The following GPCPD1 variants were observed in gnomAD, a reference collection of about 807,000 sequenced individuals.
GPCPD1 encodes glycerophosphocholine phosphodiesterase 1, also known as glycerophosphocholine phosphodiesterase GPCPD1.
In GPCPD1, 29 loss-of-function variants were observed where a neutral mutation model predicts 89.2. The observed-to-expected ratio is 0.33, with a 90% CI of 0.24 to 0.44. The LOEUF (loss-of-function observed/expected upper bound fraction) is 0.44, where lower values mean the gene tolerates loss of function less well. Ranked by LOEUF, GPCPD1 falls within the 20% of genes least tolerant of loss-of-function variation. The pLI, the probability that GPCPD1 is intolerant of heterozygous loss-of-function variation, is 1.00. For synonymous variants in GPCPD1, 258 were observed against 266.3 expected (o/e 0.97, Z 0.30); for missense variants, 594 against 808.9 (o/e 0.73, Z 3.22).
intron 6 of GPCPD1, among the ~76,000 whole-genome samples, chr20:5,581,493 T>A (rs1978480186): frequency 6.6e-6 from 1 of 152,184 alleles, no homozygotes; most frequent in Admixed American, 6.5e-5. Context: ...GATATTCAGC[T>A]GCAACTAGTT....
intron 19 of GPCPD1, chr20:5,548,753 G>T (rs905951970): frequency 1.1e-5 from 3 of 272,338 alleles, no homozygotes; most frequent in African/African-American, 4.4e-5. Flanking sequence ...GTTTGTCAGT[G>T]AGAGAACTGA....
At chr20:5,586,647 T>C (rs1978944588) in intron 4 of GPCPD1, among the ~76,000 whole-genome samples, 1 of 152,222 alleles carries the variant, frequency 6.6e-6, no homozygotes, top group African/African-American at 2.4e-5. Context: ...GAGGTATTGC[T>C]AGATAAAGTA....
intron 3 of GPCPD1, among the ~76,000 whole-genome samples, chr20:5,595,805 A>G (rs994878555): frequency 6.3e-5 from 8 of 126,040 alleles, no homozygotes; most frequent in Admixed American, 1.5e-4. Flanking sequence ...AAAAGAAAAA[A>G]AGGGGGGGGG....
intron 1 of GPCPD1, among the ~76,000 whole-genome samples, chr20:5,608,813 C>T (rs1276723277): frequency 1.3e-5 from 2 of 152,158 alleles, no homozygotes; most frequent in African/African-American, 4.8e-5. Flanking sequence ...GAAAACGTAA[C>T]ATCTATTCTG....
chr20:5,580,211 A>T, intron 6 of GPCPD1, 80 bp from the exon 7 acceptor site: 1 of 693,204 alleles, frequency 1.4e-6, no homozygotes, highest in Non-Finnish European at 2.5e-6. Context: ...AGGCATTGAT[A>T]ATTCTAGTTC....
intron 11 of GPCPD1, among the ~76,000 whole-genome samples, chr20:5,572,618 CTG>C (rs1986785169): frequency 6.6e-6 from 1 of 152,130 alleles, no homozygotes; most frequent in African/African-American, 2.4e-5. Flanking sequence ...ATGGAGTACA[CTG>C]TGGAAAAAGT....
chr20:5,567,436 A>G (rs1986449228), intron 13 of GPCPD1, 47 bp downstream of exon 13: 1 of 1,534,402 alleles, frequency 6.5e-7, no homozygotes, highest in African/African-American at 1.4e-5. Flanking sequence ...CAAGTACAAT[A>G]GTCCTAAAGC....
At chr20:5,548,641 A>G (rs1207900469) in intron 19 of GPCPD1, among the ~76,000 whole-genome samples, 5 of 152,238 alleles carry the variant, frequency 3.3e-5, no homozygotes. Flanking sequence ...AAAATAAAAC[A>G]AAGATTCTTT....
In GPCPD1 at chr20:5,581,814, C is replaced by CTTTTTTTTTTTTTTTTTTT. The variant is rs11479995; in HGVS notation, c.350-1702_350-1684dup. Among the ~76,000 whole-genome samples, 4 of 75,030 alleles carry CTTTTTTTTTTTTTTTTTTT rather than the reference C, an allele frequency of 5.3e-5. 1 individual carries two copies. The highest frequency in any genetic ancestry group is 5.0e-4 in the East Asian group (1 of 1,992). 49.2% of individuals were successfully genotyped at this position (75,030 alleles called of 152,430 possible). ...ATGCTTAATAATTGTGGGACTTTAA[C>CTTTTTTTTTTTTTTTTTTT]TTTTTTTTTTTTTTTTTTTTTTTTT... On this transcript the variant is annotated intron_variant, in intron 6 of 19. Transcript: ENST00000379019.
At chr20:5,551,086 G>A (rs1985379612) in intron 19 of GPCPD1, among the ~76,000 whole-genome samples, 1 of 152,172 alleles carries the variant, frequency 6.6e-6, no homozygotes, top group Non-Finnish European at 1.5e-5. Flanking sequence ...TTACCTGCAG[G>A]ATTATAATGC....
At chr20:5,554,725 G>C (rs1600714036) in intron 19 of GPCPD1, among the ~76,000 whole-genome samples, 1 of 152,160 alleles carries the variant, frequency 6.6e-6, no homozygotes, top group African/African-American at 2.4e-5. Context: ...ATGGATCAAG[G>C]AGTCACTTTG....
intron 4 of GPCPD1, among the ~76,000 whole-genome samples, chr20:5,588,194 C>T: frequency 6.6e-6 from 1 of 152,168 alleles, no homozygotes; most frequent in Non-Finnish European, 1.5e-5. Flanking sequence ...AAATATCAAA[C>T]TTTCTAAACC....
At chr20:5,567,631 A>G in intron 12 of GPCPD1, 71 bp from the exon 13 acceptor site, 1 of 1,338,834 alleles carries the variant, frequency 7.5e-7, no homozygotes, top group Non-Finnish European at 1.0e-6. Context: ...TAAGCCCTAA[A>G]TTATTACTGA....
chr20:5,583,350 T>C (rs1002993989), intron 6 of GPCPD1, among the ~76,000 whole-genome samples: 1 of 150,620 alleles, frequency 6.6e-6, no homozygotes, highest in Non-Finnish European at 1.5e-5. Context: ...TTGACACCAG[T>C]CTGGCCAACA....
In GPCPD1 at chr20:5,604,463, C is replaced by T. The variant is rs1555810919; in HGVS notation, c.-28-23G>A. On this transcript the variant is annotated intron_variant, in intron 1 of 19. Transcript: ENST00000379019. Reference sequence around the variant, plus strand: ...GTGCTAGGAAAAAAAAGAAAAGTAACTTATAGTATAAAAATATATGCCTTA... The same window carrying T: ...GTGCTAGGAAAAAAAAGAAAAGTAATTTATAGTATAAAAATATATGCCTTA... The T allele has an allele frequency of 6.2e-6, 7 of 1,134,118 alleles. No individual in the cohort carries two copies. In the Admixed American group the frequency reaches 9.9e-5, roughly 16 times the overall value. The allele number at this position is 1,134,118 out of a possible 1,614,324, so 70.3% of individuals were successfully genotyped here. A position where few individuals can be genotyped will look rare whatever the true frequency, so the allele number is the denominator to read the frequency against.
chr20:5,605,492 G>T (rs551027142), intron 1 of GPCPD1, among the ~76,000 whole-genome samples: 2 of 151,534 alleles, frequency 1.3e-5, no homozygotes, highest in South Asian at 4.2e-4. Context: ...AAAAAGAAAA[G>T]AAGGAGTCCA....
chr20:5,572,318 C>A (rs1343967719), intron 11 of GPCPD1, among the ~76,000 whole-genome samples: 1 of 152,072 alleles, frequency 6.6e-6, no homozygotes, highest in African/African-American at 2.4e-5. Context: ...ATATTTTCAA[C>A]AGAAAGATAA....
intron 6 of GPCPD1, 85 bp from the exon 7 acceptor site, chr20:5,580,216 T>C: frequency 1.5e-6 from 1 of 655,596 alleles, no homozygotes; most frequent in East Asian, 2.8e-5. Flanking sequence ...TTGATAATTC[T>C]AGTTCACATT....
chr20:5,585,672 C>A (rs2036126857), intron 5 of GPCPD1: 3 of 147,786 alleles, frequency 2.0e-5, no homozygotes, highest in Admixed American at 6.7e-5. Context: ...TCTAGCATAG[C>A]CAATAGGGAA....
Sources: allele counts gnomAD v4.1 joint callset (sites outside exome capture counted in the v4.1 genomes callset), GRCh38; gene constraint gnomAD v4.1.1; transcripts MANE v1.5; gene names NCBI Gene and HGNC (gene_info 2026-07-23, HGNC 2026-07-21).